The following GRHL2 variants were observed in gnomAD, a reference collection of about 807,000 sequenced individuals.
GRHL2 encodes grainyhead-like protein 2 homolog.
In GRHL2, 21 loss-of-function variants were observed where a neutral mutation model predicts 83.8. That is an observed-to-expected ratio of 0.25 (90% CI 0.18 to 0.36). The LOEUF (loss-of-function observed/expected upper bound fraction) is 0.36. Ranked by LOEUF, GRHL2 falls within the 10% of genes least tolerant of loss-of-function variation. GRHL2 has a pLI of 1.00. For synonymous variants in GRHL2, 280 were observed against 278.9 expected (o/e 1.00, Z -0.04); for missense variants, 623 against 781.8 (o/e 0.80, Z 2.42).
chr8:101,673,225 G>T (rs532287376), downstream of GRHL2, among the ~76,000 whole-genome samples: 1 of 151,848 alleles, frequency 6.6e-6, no homozygotes, highest in Non-Finnish European at 1.5e-5. Context: ...AATGTAAATG[G>T]GCTAAATGCT....
chr8:101,589,484 T>TA (rs1007319486), intron 7 of GRHL2, among the ~76,000 whole-genome samples: 4 of 152,242 alleles, frequency 2.6e-5, no homozygotes, highest in African/African-American at 7.2e-5. Flanking sequence ...CCAACATTCT[T>TA]AAAAAATGAA....
At chr8:101,665,532 C>T (rs1023355374) in intron 15 of GRHL2, among the ~76,000 whole-genome samples, 6 of 152,074 alleles carry the variant, frequency 3.9e-5, no homozygotes, top group Admixed American at 2.0e-4. Flanking sequence ...TACTTCTTGC[C>T]GAGGTCAATG....
At chr8:101,497,961 T>C (rs1403484485) in intron 1 of GRHL2, among the ~76,000 whole-genome samples, 1 of 152,182 alleles carries the variant, frequency 6.6e-6, no homozygotes, top group Non-Finnish European at 1.5e-5. Context: ...AGGGGTCTTT[T>C]TGAAGGGGAA....
chr8:101,504,975 GAAAAAAA>G (rs34007500), intron 1 of GRHL2, among the ~76,000 whole-genome samples: 1 of 113,044 alleles, frequency 8.8e-6, no homozygotes, highest in African/African-American at 3.3e-5. Context: ...ATTGCATTAG[GAAAAAAA>G]AAAAAAAAAG....
intron 8 of GRHL2, among the ~76,000 whole-genome samples, chr8:101,601,649 T>C (rs1812516814): frequency 6.6e-6 from 1 of 152,204 alleles, no homozygotes; most frequent in South Asian, 2.1e-4. Context: ...TTATATTGCA[T>C]TGTTTTATAT....
At chr8:101,540,545 C>T (rs533550541) in intron 1 of GRHL2, among the ~76,000 whole-genome samples, 6 of 152,192 alleles carry the variant, frequency 3.9e-5, no homozygotes, top group Non-Finnish European at 7.3e-5. Context: ...AGAGGCCTAG[C>T]GACCGGAATT....
chr8:101,594,933 A>G (rs1367767058), intron 7 of GRHL2, among the ~76,000 whole-genome samples: 1 of 152,252 alleles, frequency 6.6e-6, no homozygotes, highest in African/African-American at 2.4e-5. Context: ...TGTACATGCC[A>G]TGAAGGACAT....
intron 6 of GRHL2, among the ~76,000 whole-genome samples, chr8:101,574,911 G>A (rs1283373205): frequency 1.3e-5 from 2 of 152,186 alleles, no homozygotes; most frequent in African/African-American, 4.8e-5. Context: ...TATGAAAAAG[G>A]CACTGCTGTT....
chr8:101,590,504 G>A (rs1026476422), intron 7 of GRHL2, among the ~76,000 whole-genome samples: 2 of 152,158 alleles, frequency 1.3e-5, no homozygotes, highest in African/African-American at 4.8e-5. Context: ...ACAAGTATTG[G>A]TCCCACCTTC....
chr8:101,621,308 T>C (rs564284040), intron 9 of GRHL2, among the ~76,000 whole-genome samples: 10 of 151,930 alleles, frequency 6.6e-5, no homozygotes, highest in African/African-American at 1.9e-4. Flanking sequence ...ATAAGCTAAA[T>C]GAAATTAAGG....
chr8:101,506,584 T>C (rs183829848), intron 1 of GRHL2, among the ~76,000 whole-genome samples: 1 of 152,338 alleles, frequency 6.6e-6, no homozygotes, highest in Non-Finnish European at 1.5e-5. Flanking sequence ...TTAATATTTA[T>C]GTTGTTTTGA....
chr8:101,522,653 C>T (rs888572614), intron 1 of GRHL2, among the ~76,000 whole-genome samples: 5 of 151,994 alleles, frequency 3.3e-5, no homozygotes, highest in African/African-American at 1.2e-4. Flanking sequence ...TTGTGTGCTA[C>T]AGGTCTATTC....
At chr8:101,608,593 C>CTTTTTTTTTATTTTTT (rs1435861274) in intron 8 of GRHL2, among the ~76,000 whole-genome samples, 1 of 152,210 alleles carries the variant, frequency 6.6e-6, no homozygotes. Flanking sequence ...GAGGCAGCTC[C>CTTTTTTTTTATTTTTT]ATTTTTTATT....
intron 1 of GRHL2, among the ~76,000 whole-genome samples, chr8:101,536,937 G>A (rs760705759): frequency 3.2e-4 from 40 of 126,806 alleles, no homozygotes; most frequent in Non-Finnish European, 4.7e-4. Context: ...CTCACCCCCC[G>A]CCCTCTGGTA....
chr8:101,649,462 T>C lies in GRHL2; in HGVS notation c.1661T>C (p.Met554Thr). Residue 554 changes from methionine (M) to threonine (T), a missense_variant, in exon 14 of 16, where the codon ATG (methionine) becomes ACG (threonine). This residue lies in a region of GRHL2 where 210 missense variants were observed against 254.8 expected (regional missense o/e 0.82). Coordinates refer to ENST00000646743, the MANE Select transcript of GRHL2 (RefSeq NM_024915.4). Reference sequence around the variant, plus strand: ...ACTGACGATGTGTTCGATGCATTGATGTTGAAGTCTCCCACAGTGAAGGGC... The same window carrying C: ...ACTGACGATGTGTTCGATGCATTGACGTTGAAGTCTCCCACAGTGAAGGGC... ...KETDDVFDAL[M>T]LKSPTVKGLM... 6.2e-7 allele frequency: 1 copy of C among 1,614,052 alleles called. No individual in the cohort carries two copies. Among genetic ancestry groups the C allele is most frequent in the Non-Finnish European group, 8.5e-7 (1 of 1,179,992 alleles).
intron 8 of GRHL2, among the ~76,000 whole-genome samples, chr8:101,603,977 G>A (rs1273984050): frequency 2.1e-4 from 31 of 147,562 alleles, no homozygotes; most frequent in Non-Finnish European, 3.4e-4. Flanking sequence ...CCTGGCACTC[G>A]GGTAGCCAGC....
At chr8:101,638,550 C>A (rs1340977241) in intron 12 of GRHL2, among the ~76,000 whole-genome samples, 2 of 152,306 alleles carry the variant, frequency 1.3e-5, no homozygotes, top group East Asian at 3.9e-4. Context: ...ATATGGCCTG[C>A]AAAGTCTAAA....
intron 8 of GRHL2, among the ~76,000 whole-genome samples, chr8:101,604,229 T>G (rs1439896427): frequency 6.6e-6 from 1 of 152,100 alleles, no homozygotes; most frequent in African/African-American, 2.4e-5. Flanking sequence ...AAGAAGTAGA[T>G]TTGTTGGTCA....
chr8:101,592,831 A>G (rs1812314286), intron 7 of GRHL2, among the ~76,000 whole-genome samples: 1 of 152,236 alleles, frequency 6.6e-6, no homozygotes, highest in Non-Finnish European at 1.5e-5. Context: ...ACACAGACTT[A>G]GAGAGGACCT....
Sources: gnomAD v4.1 joint callset for allele counts (sites outside exome capture counted in the v4.1 genomes callset) on GRCh38, gnomAD v4.1.1 for gene constraint, gnomAD v4.1.1 regional missense constraint, MANE v1.5 for transcripts, NCBI Gene and HGNC (gene_info 2026-07-23, HGNC 2026-07-21) for gene names.